Variants in GYG1 observed in about 807,000 individuals in gnomAD.
GYG1 encodes glycogenin-1.
Under a neutral mutation model 41.9 loss-of-function variants are expected in GYG1, and 44 were observed. That is an observed-to-expected ratio of 1.05 (90% CI 0.83 to 1.35). GYG1 has a LOEUF of 1.35. Ranked by LOEUF, GYG1 falls within the 40% of genes most tolerant of loss-of-function variation. GYG1 has a pLI of 0.00. For missense variants in GYG1, 429 were observed against 418.9 expected, an observed-to-expected ratio of 1.02 and a Z score of -0.21; for synonymous variants, 141 against 158.1, an observed-to-expected ratio of 0.89 and a Z score of 0.81.
intron 5 of GYG1, among the ~76,000 whole-genome samples, chr3:149,013,162 A>G (rs570545478): frequency 2.6e-5 from 4 of 152,224 alleles, no homozygotes; most frequent in East Asian, 3.9e-4. Flanking sequence ...CCATAAATGC[A>G]TTTATTAATA....
In GYG1 at chr3:149,029,496, T is replaced by G. The variant is rs562951766; in HGVS notation, c.*2563T>G. 6.6e-6 allele frequency among the ~76,000 whole-genome samples: 1 copy of G among 152,230 alleles called. No individual in the cohort carries two copies. Among genetic ancestry groups the G allele is most frequent in the South Asian group, 2.1e-4 (1 of 4,838 alleles). On this transcript the variant is annotated 3_prime_UTR_variant, in exon 8 of 8. Coordinates refer to ENST00000345003, the MANE Select transcript of GYG1 (RefSeq NM_004130.4). The stretch of plus-strand genomic sequence containing the variant: ...TACCTTAATTCTCCTTATACCCATA[T>G]TGTCCTGCTGTATAACACATTTTGC...
intron 6 of GYG1, among the ~76,000 whole-genome samples, chr3:149,025,309 G>A (rs2107923144): frequency 6.6e-6 from 1 of 152,278 alleles, no homozygotes; most frequent in South Asian, 2.1e-4. Flanking sequence ...TAGATCCGTT[G>A]CATGCACAGT....
At chr3:149,007,114 C>T (rs1243313870) in intron 4 of GYG1, among the ~76,000 whole-genome samples, 1 of 152,172 alleles carries the variant, frequency 6.6e-6, no homozygotes, top group Admixed American at 6.5e-5. Flanking sequence ...TCATAGACAG[C>T]TTTTTTATTT....
At chr3:149,006,281 C>T (rs1713402742) in intron 4 of GYG1, among the ~76,000 whole-genome samples, 1 of 151,922 alleles carries the variant, frequency 6.6e-6, no homozygotes, top group Non-Finnish European at 1.5e-5. Flanking sequence ...CGGGGTTTCA[C>T]CATATTGGTC....
chr3:149,014,118 TAAG>T lies in GYG1; in HGVS notation c.608+4725_608+4727del, dbSNP rs1232138831. Among the ~76,000 whole-genome samples the T allele has an allele frequency of 8.5e-5, 13 of 152,116 alleles. No homozygotes were observed. In the South Asian group the frequency reaches 1.3e-3, roughly 15 times the overall value. ...GCACAGTCTGTCATGGTTTGAGTGTTAAGAAGAAGAATCAAGCAGTGGTTGCAC... is the reference window on the plus strand; with the variant it reads ...GCACAGTCTGTCATGGTTTGAGTGTTAAGAAGAATCAAGCAGTGGTTGCAC... On this transcript the variant is annotated intron_variant, in intron 5 of 7. Coordinates refer to ENST00000345003, the MANE Select transcript of GYG1 (RefSeq NM_004130.4).
Position 149,028,653 on chromosome 3 carries a change from T to G in GYG1, c.*1720T>G, listed in dbSNP as rs1714776448. Among the ~76,000 whole-genome samples, 1 of 152,176 alleles carries G rather than the reference T, an allele frequency of 6.6e-6. No individual in the cohort carries two copies. The highest frequency in any genetic ancestry group is 1.9e-4 in the East Asian group (1 of 5,204). ...TTTACTACCGTTCATTCTCTATTTTTTACACAGTAGCATAACAAAGCTCTA... is the reference window on the plus strand; with the variant it reads ...TTTACTACCGTTCATTCTCTATTTTGTACACAGTAGCATAACAAAGCTCTA... On this transcript the variant is annotated 3_prime_UTR_variant, in exon 8 of 8. Transcript: ENST00000345003.
intron 4 of GYG1, among the ~76,000 whole-genome samples, chr3:149,006,631 A>G (rs1487006564): frequency 6.6e-6 from 1 of 152,242 alleles, no homozygotes; most frequent in Non-Finnish European, 1.5e-5. Flanking sequence ...CCATATCCAT[A>G]TACCTGCTGA....
At chr3:149,024,359 C>G in intron 6 of GYG1, 87 bp downstream of exon 6, 2 of 835,464 alleles carry the variant, frequency 2.4e-6, no homozygotes, top group Non-Finnish European at 4.2e-6. Context: ...TATTTAGCAG[C>G]ATTTTAAACA....
chr3:148,991,969 G>A (rs1391116199), intron 1 of GYG1, among the ~76,000 whole-genome samples: 1 of 152,096 alleles, frequency 6.6e-6, no homozygotes, highest in Non-Finnish European at 1.5e-5. Flanking sequence ...GGCCGTGTGG[G>A]GGTGGGGAGC....
intron 1 of GYG1, among the ~76,000 whole-genome samples, chr3:148,993,908 T>A (rs1465753316): frequency 6.6e-6 from 1 of 152,224 alleles, no homozygotes; most frequent in African/African-American, 2.4e-5. Flanking sequence ...CGGATTTAAT[T>A]TCTATAGCTT....
Position 149,027,254 on chromosome 3 carries a change from C to T in GYG1, c.*321C>T, listed in dbSNP as rs1714709849. ...GTATCAGTTCTTAAAATCTGCAGAG[C>T]CTGGTTCAAAATCAGTCACTCCCTT... is the stretch of plus-strand genomic sequence containing the variant. On this transcript the variant is annotated 3_prime_UTR_variant, in exon 8 of 8. Transcript: ENST00000345003. The T allele has an allele frequency of 5.6e-6, 2 of 357,268 alleles. No individual in the cohort carries two copies. Among genetic ancestry groups the T allele is most frequent in the African/African-American group, 4.1e-5 (2 of 48,270 alleles). 22.1% of individuals were successfully genotyped at this position (357,268 alleles called of 1,614,324 possible).
intron 4 of GYG1, chr3:149,007,872 T>C (rs1713489027): frequency 6.6e-6 from 1 of 152,080 alleles, no homozygotes; most frequent in African/African-American, 2.4e-5. Flanking sequence ...AGACTCTGGT[T>C]CTGAGTGTGT....
rs138925323 is a variant in GYG1 at position 149,027,081 on chromosome 3, G to GT, written c.*149dup. ...ATGAGAGGCTTTTTTAGGATAAGAGGTGAGAACTGGGCAAAAGTTGTGAAG... is the reference window on the plus strand; with the variant it reads ...ATGAGAGGCTTTTTTAGGATAAGAGGTTGAGAACTGGGCAAAAGTTGTGAAG... On this transcript the variant is annotated 3_prime_UTR_variant, in exon 8 of 8. Transcript: ENST00000345003. 3.0e-3 allele frequency: 2,358 copies of GT among 777,282 alleles called. 41 individuals carry two copies. In the African/African-American group the frequency reaches 0.037, roughly 12 times the overall value. The allele number at this position is 777,282 out of a possible 1,614,324, so 48.1% of individuals were successfully genotyped here. A position where few individuals can be genotyped will look rare whatever the true frequency, so the allele number is the denominator to read the frequency against.
intron 5 of GYG1, among the ~76,000 whole-genome samples, chr3:149,013,515 A>G (rs1713855314): frequency 1.3e-5 from 2 of 152,204 alleles, no homozygotes; most frequent in Non-Finnish European, 2.9e-5. Flanking sequence ...CATTCACCCA[A>G]TACTTTCCAT....
At chr3:149,013,586 A>C (rs1442237940) in intron 5 of GYG1, among the ~76,000 whole-genome samples, 2 of 152,196 alleles carry the variant, frequency 1.3e-5, no homozygotes, top group Admixed American at 1.3e-4. Context: ...TGGCCTAGTA[A>C]AATTAAATAT....
At chr3:148,998,186 T>C (rs1464123440) in intron 4 of GYG1, among the ~76,000 whole-genome samples, 1 of 152,230 alleles carries the variant, frequency 6.6e-6, no homozygotes, top group African/African-American at 2.4e-5. Flanking sequence ...TTTTTAGTTA[T>C]TTGGCTGAGG....
At position 149,009,928 on chromosome 3, in the gene GYG1, C is replaced by T. The variant is rs374873993; in HGVS notation, c.608+526C>T. ...ACATCCTGCAGTGACCACTTCCTGG[C>T]CTACTTACTGAACTTCTTTCTGCCT... On this transcript the variant is annotated intron_variant, in intron 5 of 7. Coordinates refer to ENST00000345003, the MANE Select transcript of GYG1 (RefSeq NM_004130.4). Among the ~76,000 whole-genome samples, 57 of 152,326 alleles carry T rather than the reference C, an allele frequency of 3.7e-4. 1 individual carries two copies. The highest frequency in any genetic ancestry group is 1.4e-3 in the African/African-American group (57 of 41,578).
intron 5 of GYG1, among the ~76,000 whole-genome samples, chr3:149,012,581 T>A (rs539573518): frequency 6.6e-6 from 1 of 152,328 alleles, no homozygotes; most frequent in Non-Finnish European, 1.5e-5. Context: ...TTAGTATGAA[T>A]TTAAGCCACA....
intron 5 of GYG1, among the ~76,000 whole-genome samples, chr3:149,020,909 T>A (rs188646594): frequency 1.3e-5 from 2 of 152,202 alleles, no homozygotes; most frequent in African/African-American, 4.8e-5. Flanking sequence ...CTCATTCTTA[T>A]GTACTCTGTT....
Sources: gnomAD v4.1 joint callset for allele counts (sites outside exome capture counted in the v4.1 genomes callset) on GRCh38, gnomAD v4.1.1 for gene constraint, MANE v1.5 for transcripts, NCBI Gene and HGNC (gene_info 2026-07-23, HGNC 2026-07-21) for gene names.